Variants in ANKH observed in about 807,000 individuals in gnomAD.
ANKH encodes mineralization regulator ANKH.
In ANKH, 15 loss-of-function variants were observed where a neutral mutation model predicts 49.0. The ratio of observed to expected loss-of-function variants is 0.31; its 90% confidence interval spans 0.20 to 0.47. The LOEUF is 0.47. Ranked by LOEUF, ANKH falls within the 20% of genes least tolerant of loss-of-function variation. ANKH has a pLI of 1.00. For synonymous variants in ANKH, 273 were observed against 260.0 expected, an observed-to-expected ratio of 1.05 and a Z score of -0.48; for missense variants, 429 against 652.0, an observed-to-expected ratio of 0.66 and a Z score of 3.72.
At chr5:14,756,777 G>T (rs1738899259) in intron 3 of ANKH, among the ~76,000 whole-genome samples, 1 of 151,776 alleles carries the variant, frequency 6.6e-6, no homozygotes. Context: ...TCAGCGCCAA[G>T]CTGCCAGGGG....
At chr5:14,840,756 A>AATG (rs1435825681) in intron 1 of ANKH, among the ~76,000 whole-genome samples, 1 of 152,226 alleles carries the variant, frequency 6.6e-6, no homozygotes, top group African/African-American at 2.4e-5. Context: ...CTGGCTTTCT[A>AATG]ATGATGCCCA....
intron 2 of ANKH, among the ~76,000 whole-genome samples, chr5:14,762,076 TA>T (rs1047402105): frequency 1.1e-4 from 16 of 152,156 alleles, no homozygotes; most frequent in African/African-American, 3.9e-4. Context: ...CTTTTGCCTT[TA>T]AAAACCTGCT....
At chr5:14,746,220 G>T (rs1215902159) in intron 6 of ANKH, among the ~76,000 whole-genome samples, 2 of 152,128 alleles carry the variant, frequency 1.3e-5, no homozygotes, top group Non-Finnish European at 1.5e-5. Context: ...TGAAACGAGG[G>T]GGATGCGTCA....
At chr5:14,716,125 C>A (rs892863673) in intron 9 of ANKH, among the ~76,000 whole-genome samples, 1 of 152,162 alleles carries the variant, frequency 6.6e-6, no homozygotes, top group African/African-American at 2.4e-5. Context: ...GACAGAGGGC[C>A]GTTTTATTGT....
In ANKH at chr5:14,725,001, C is replaced by G. The variant is rs1165487039; in HGVS notation, c.1012-8166G>C. On this transcript the variant is annotated intron_variant, in intron 8 of 11. Coordinates refer to ENST00000284268, the MANE Select transcript of ANKH (RefSeq NM_054027.6). This position sits in a 1 kb window ranked among gnomAD's most constrained non-coding sequence, Gnocchi z 4.0. ...ATATGCAGCTGTTTTGAATAAAAAT[C>G]GCTGGCCCTGGACATCATTTTTATT... 6.6e-6 allele frequency among the ~76,000 whole-genome samples: 1 copy of G among 152,080 alleles called. No individual in the cohort carries two copies. The highest frequency in any genetic ancestry group is 1.5e-5 in the Non-Finnish European group (1 of 68,014).
chr5:14,769,993 G>A (rs1464355943), intron 1 of ANKH, among the ~76,000 whole-genome samples: 3 of 152,238 alleles, frequency 2.0e-5, no homozygotes, highest in Admixed American at 6.5e-5. Flanking sequence ...TTCCCACCCC[G>A]AAGACAAATC....
intron 1 of ANKH, among the ~76,000 whole-genome samples, chr5:14,776,115 G>T (rs1049778459): frequency 6.6e-6 from 1 of 152,272 alleles, no homozygotes; most frequent in South Asian, 2.1e-4. Context: ...GCAGGGGGCC[G>T]CCCCCCGCAT....
Position 14,710,202 on chromosome 5 carries a change from T to TATCTA in ANKH, c.*990_*994dup, listed in dbSNP as rs1553998913. On this transcript the variant is annotated 3_prime_UTR_variant, in exon 12 of 12. Transcript: ENST00000284268. ...CTAAGGATAGCAGAACCAGGTAATA[T>TATCTA]ATCTACTTCAAAAGTTACCCTACAG... 1.3e-5 allele frequency: 2 copies of TATCTA among 152,188 alleles called. No individual in the cohort carries two copies. The highest frequency in any genetic ancestry group is 2.4e-5 in the African/African-American group (1 of 41,442). The allele number at this position is 152,188 out of a possible 1,614,324, so 9.4% of individuals were successfully genotyped here. A position where few individuals can be genotyped will look rare whatever the true frequency, so the allele number is the denominator to read the frequency against.
chr5:14,769,245 G>A (rs1276404249), intron 1 of ANKH, 54 bp from the exon 2 acceptor site: 5 of 1,423,070 alleles, frequency 3.5e-6, no homozygotes, highest in Non-Finnish European at 4.9e-6. Context: ...TCTTCTCTGG[G>A]GAATCATACC....
chr5:14,774,383 AT>A (rs1739545679), intron 1 of ANKH, among the ~76,000 whole-genome samples: 1 of 152,176 alleles, frequency 6.6e-6, no homozygotes, highest in African/African-American at 2.4e-5. Context: ...AAAATCACTT[AT>A]TGAATAAACC....
intron 8 of ANKH, among the ~76,000 whole-genome samples, chr5:14,724,954 C>T (rs939205856): frequency 8.5e-5 from 13 of 152,164 alleles, no homozygotes; most frequent in African/African-American, 3.1e-4. Flanking sequence ...ACTCTTATCC[C>T]TGCAGTTAGA....
rs149780926 is a variant in ANKH, at chr5:14,750,391, G to A, written c.687+678C>T. ...TTATTCAACTTTCAGGGCACAGCAA[G>A]ATCTACCTCCTCCAAGGAGGCATCT... On this transcript the variant is annotated intron_variant, in intron 5 of 11. Transcript: ENST00000284268. Among the ~76,000 whole-genome samples, 4 of 152,296 alleles carry A rather than the reference G, an allele frequency of 2.6e-5. No homozygotes were observed. The East Asian group carries it at 5.8e-4, about 22-fold the overall frequency.
chr5:14,791,560 G>A (rs1202056926), intron 1 of ANKH, among the ~76,000 whole-genome samples: 1 of 152,034 alleles, frequency 6.6e-6, no homozygotes, highest in Non-Finnish European at 1.5e-5. Flanking sequence ...AATTGGTTTT[G>A]AATAAATCAG....
chr5:14,858,930 A>C (rs1205257972), intron 1 of ANKH, among the ~76,000 whole-genome samples: 3 of 151,988 alleles, frequency 2.0e-5, no homozygotes, highest in Non-Finnish European at 2.9e-5. Context: ...ACAATTAATA[A>C]ATTTAGTCTT....
At chr5:14,740,734 T>C (rs531746496) in intron 8 of ANKH, among the ~76,000 whole-genome samples, 4 of 152,304 alleles carry the variant, frequency 2.6e-5, no homozygotes, top group Non-Finnish European at 5.9e-5. Flanking sequence ...GGCCTTGAGT[T>C]TAATGGCCCA....
rs1738511472 is a variant in ANKH at position 14,745,696 on chromosome 5, C to T, written c.915+174G>A. Among the ~76,000 whole-genome samples, 1 of 152,214 alleles carries T rather than the reference C, an allele frequency of 6.6e-6. No homozygotes were observed. Among genetic ancestry groups the T allele is most frequent in the African/African-American group, 2.4e-5 (1 of 41,446 alleles). On this transcript the variant is annotated intron_variant, in intron 7 of 11. Coordinates refer to ENST00000284268, the MANE Select transcript of ANKH (RefSeq NM_054027.6). This position sits in a 1 kb window ranked among gnomAD's most constrained non-coding sequence, Gnocchi z 4.7. ...GATCAGCGTCAAAGGTAAGCTTCAA[C>T]TTGCCCCTGTTATTTTCTGAGGAAA...
At chr5:14,763,851 G>A (rs921963525) in intron 2 of ANKH, among the ~76,000 whole-genome samples, 2 of 152,184 alleles carry the variant, frequency 1.3e-5, no homozygotes, top group Non-Finnish European at 2.9e-5. Flanking sequence ...CACTTTGGGA[G>A]GCCGAGGCGG....
At chr5:14,768,910 A>T in intron 2 of ANKH, 65 bp downstream of exon 2, 2 of 1,499,414 alleles carry the variant, frequency 1.3e-6, no homozygotes, top group Non-Finnish European at 1.9e-6. Flanking sequence ...AAATACATTT[A>T]AATCAATGAA....
intron 8 of ANKH, among the ~76,000 whole-genome samples, chr5:14,734,420 G>T (rs985754515): frequency 6.6e-6 from 1 of 152,208 alleles, no homozygotes; most frequent in East Asian, 1.9e-4. Context: ...CCATCTGTAA[G>T]GGCGCATCCT....
Sources: allele counts gnomAD v4.1 joint callset (sites outside exome capture counted in the v4.1 genomes callset), GRCh38; gene constraint gnomAD v4.1.1; non-coding constraint Gnocchi (gnomAD v3.1); transcripts MANE v1.5; gene names NCBI Gene and HGNC (gene_info 2026-07-23, HGNC 2026-07-21).